The following SGCD variants were observed in gnomAD, a reference collection of about 807,000 sequenced individuals.
The protein encoded by SGCD is sarcoglycan delta, also known as delta-sarcoglycan.
A neutral mutation model predicts 36.6 loss-of-function variants in SGCD; 18 were observed. That is an observed-to-expected ratio of 0.49 (90% confidence interval 0.34 to 0.73). The LOEUF is 0.73. Among genes scored for constraint, SGCD ranks in the 30% least tolerant of loss-of-function variants. SGCD has a pLI of 0.01. For synonymous variants in SGCD, 133 were observed against 130.6 expected (o/e 1.02, Z -0.12); for missense variants, 387 against 346.7 (o/e 1.12, Z -0.92).
chr5:156,082,271 G>A (rs545796500), intron 1 of SGCD, among the ~76,000 whole-genome samples: 3 of 97,610 alleles, frequency 3.1e-5, no homozygotes, highest in East Asian at 5.7e-4. Flanking sequence ...GCTGGTGGGC[G>A]GGGGGGTCCA....
chr5:156,651,008 G>C (rs752339712), intron 7 of SGCD, among the ~76,000 whole-genome samples: 3 of 152,102 alleles, frequency 2.0e-5, no homozygotes, highest in Non-Finnish European at 2.9e-5. Context: ...TTTAATAATA[G>C]TCATTCTGAC....
chr5:156,390,347 G>A (rs1771499407), intron 3 of SGCD, among the ~76,000 whole-genome samples: 1 of 152,242 alleles, frequency 6.6e-6, no homozygotes, highest in Non-Finnish European at 1.5e-5. Context: ...GGGACAAGAT[G>A]TGGAGGTGGA....
At chr5:156,740,490 T>C (rs376854472) in intron 7 of SGCD, among the ~76,000 whole-genome samples, 1 of 152,222 alleles carries the variant, frequency 6.6e-6, no homozygotes, top group East Asian at 1.9e-4. Context: ...ATCCTACTGA[T>C]TTGCTCAAGT....
At chr5:156,482,926 T>G (rs1449464781) in intron 3 of SGCD, among the ~76,000 whole-genome samples, 1 of 150,174 alleles carries the variant, frequency 6.7e-6, no homozygotes, top group Non-Finnish European at 1.5e-5. Context: ...GGAGAATTCT[T>G]TGTTGCACAG....
chr5:156,309,423 T>G (rs1351529268), intron 3 of SGCD, among the ~76,000 whole-genome samples: 1 of 152,066 alleles, frequency 6.6e-6, no homozygotes, highest in East Asian at 1.9e-4. Flanking sequence ...TTTCTTCTGC[T>G]TGCTTAAATC....
At chr5:156,510,512 A>G (rs542088708) in intron 4 of SGCD, among the ~76,000 whole-genome samples, 3 of 152,356 alleles carry the variant, frequency 2.0e-5, no homozygotes, top group Admixed American at 6.5e-5. Context: ...AAACTTGTTT[A>G]ACTCACTAGT....
At chr5:155,999,769 CATAAA>C (rs1352911176) in intron 1 of SGCD, among the ~76,000 whole-genome samples, 1 of 152,218 alleles carries the variant, frequency 6.6e-6, no homozygotes, top group Non-Finnish European at 1.5e-5. Flanking sequence ...CCTTCTACTT[CATAAA>C]ATAAAATCAT....
chr5:156,122,219 A>G (rs577137514), intron 2 of SGCD, among the ~76,000 whole-genome samples: 27 of 152,290 alleles, frequency 1.8e-4, no homozygotes, highest in Non-Finnish European at 3.2e-4. Flanking sequence ...CATTCAAAAA[A>G]TATTTATCGA....
At chr5:156,648,205 T>G (rs1034056568) in intron 7 of SGCD, among the ~76,000 whole-genome samples, 8 of 151,914 alleles carry the variant, frequency 5.3e-5, no homozygotes, top group African/African-American at 1.9e-4. Flanking sequence ...CAAATAGAAC[T>G]ATTCTTTCTA....
chr5:156,070,165 A>G (rs1760497333), intron 1 of SGCD, among the ~76,000 whole-genome samples: 1 of 149,180 alleles, frequency 6.7e-6, no homozygotes, highest in African/African-American at 2.6e-5. Flanking sequence ...TTCCAACACT[A>G]TGTTGAATAG....
rs374701276 is a variant in SGCD, at chr5:156,707,812, G to C, written c.576-49769G>C. ...GTACCTGAGAAAGCACTTGATTAAG[G>C]GTTTAAAAGAGGTACTAAGTTTGGC... On this transcript the variant is annotated intron_variant, in intron 7 of 8. Transcript: ENST00000337851. Among the ~76,000 whole-genome samples, 12 of 152,156 alleles carry C rather than the reference G, an allele frequency of 7.9e-5. No individual in the cohort carries two copies. The East Asian group carries it at 1.7e-3, about 22-fold the overall frequency.
the SGCD span, among the ~76,000 whole-genome samples, chr5:155,825,331 G>A: frequency 1.3e-5 from 2 of 152,216 alleles, no homozygotes; most frequent in African/African-American, 4.8e-5. Context: ...TCACTCCTTT[G>A]CTGCTGTGAA....
chr5:156,581,753 G>A (rs1760269926), intron 4 of SGCD, among the ~76,000 whole-genome samples: 1 of 152,234 alleles, frequency 6.6e-6, no homozygotes, highest in Non-Finnish European at 1.5e-5. Flanking sequence ...ACCTCCCGGT[G>A]TGCCATTTGC....
At chr5:155,799,558 AT>A in the SGCD span, among the ~76,000 whole-genome samples, 203 of 146,640 alleles carry the variant, frequency 1.4e-3, 1 homozygote, top group African/African-American at 4.1e-3. Context: ...TGCCCAGCTA[AT>A]TTTTTTTTTT....
rs537075583 is a variant in SGCD at position 156,474,774 on chromosome 5, C to A, written c.193-33827C>A. On this transcript the variant is annotated intron_variant, in intron 3 of 8. Transcript: ENST00000337851. ...AGGAAGGATGGATGCCCAGTGAGTG[C>A]CAGAGTTAGTTTGGCCTATTTTGCC... Among the ~76,000 whole-genome samples, 12 of 152,196 alleles carry A rather than the reference C, an allele frequency of 7.9e-5. No homozygotes were observed. The South Asian group carries it at 1.9e-3, about 24-fold the overall frequency.
At chr5:156,548,286 T>C (rs1758660793) in intron 4 of SGCD, among the ~76,000 whole-genome samples, 1 of 152,180 alleles carries the variant, frequency 6.6e-6, no homozygotes, top group Non-Finnish European at 1.5e-5. Context: ...CTTACCAACT[T>C]TGGAAGGAGA....
Position 156,373,451 on chromosome 5 carries a change from A to T in SGCD, c.192+28774A>T, listed in dbSNP as rs112784044. ...ATGAGACCGCCCAAGGCTAACCTAT[A>T]TTTGGAAAAATCGCTACATTTAAGA... On this transcript the variant is annotated intron_variant, in intron 3 of 8. Coordinates refer to ENST00000337851, the MANE Select transcript of SGCD (RefSeq NM_000337.6). Among the ~76,000 whole-genome samples the T allele has an allele frequency of 2.0e-3, 310 of 152,316 alleles. 5 individuals are homozygous for T. The East Asian group carries it at 0.038, about 18-fold the overall frequency.
chr5:156,473,739 G>A (rs1755066018), intron 3 of SGCD, among the ~76,000 whole-genome samples: 1 of 152,120 alleles, frequency 6.6e-6, no homozygotes, highest in Non-Finnish European at 1.5e-5. Context: ...CTGGGGATAT[G>A]GTGATTCATT....
At chr5:156,159,794 A>G (rs916998733) in intron 3 of SGCD, among the ~76,000 whole-genome samples, 2 of 151,748 alleles carry the variant, frequency 1.3e-5, no homozygotes, top group Admixed American at 6.6e-5. Context: ...TAAAGTTTTT[A>G]TTTAATATAT....
Sources: gnomAD v4.1 joint callset for allele counts (sites outside exome capture counted in the v4.1 genomes callset) on GRCh38, gnomAD v4.1.1 for gene constraint, MANE v1.5 for transcripts, NCBI Gene and HGNC (gene_info 2026-07-23, HGNC 2026-07-21) for gene names.